ARL15: variants seen among roughly 807,000 people sequenced by gnomAD.
ARL15 encodes the protein ADP-ribosylation factor-like protein 15.
A neutral mutation model predicts 25.2 loss-of-function variants in ARL15; 19 were observed. That is an observed-to-expected ratio of 0.75 (90% confidence interval 0.53 to 1.10). ARL15 has a LOEUF of 1.10. Ranked by LOEUF, ARL15 falls within the 50% of genes least tolerant of loss-of-function variation. The pLI, the probability that ARL15 is intolerant of heterozygous loss-of-function variation, is 0.00. For synonymous variants in ARL15, 94 were observed against 86.8 expected (o/e 1.08, Z -0.46); for missense variants, 220 against 246.0 (o/e 0.89, Z 0.71).
chr5:54,131,582 T>C (rs998644592), intron 3 of ARL15, among the ~76,000 whole-genome samples: 12 of 152,210 alleles, frequency 7.9e-5, no homozygotes, highest in African/African-American at 2.9e-4. Context: ...TAACTTTCTA[T>C]TTTGTACCAT....
At chr5:54,087,447 C>G (rs988601553) in intron 4 of ARL15, among the ~76,000 whole-genome samples, 1 of 152,116 alleles carries the variant, frequency 6.6e-6, no homozygotes, top group Non-Finnish European at 1.5e-5. Flanking sequence ...CAATTTCTAG[C>G]CCTAGATCTC....
chr5:53,927,366 C>T (rs1217760023), intron 4 of ARL15, among the ~76,000 whole-genome samples: 1 of 152,180 alleles, frequency 6.6e-6, no homozygotes, highest in Non-Finnish European at 1.5e-5. Context: ...CAGAGACACA[C>T]ACACAGACAC....
intron 4 of ARL15, among the ~76,000 whole-genome samples, chr5:54,055,972 A>C (rs937848540): frequency 3.9e-5 from 6 of 152,168 alleles, no homozygotes; most frequent in African/African-American, 1.2e-4. Context: ...TTGACCAACT[A>C]TATCTACTCA....
At chr5:54,284,465 C>T (rs1208884076) in intron 1 of ARL15, among the ~76,000 whole-genome samples, 1 of 152,184 alleles carries the variant, frequency 6.6e-6, no homozygotes, top group East Asian at 1.9e-4. Flanking sequence ...CTAACCAGTA[C>T]AGAGCAACGT....
chr5:53,886,762 C>T, intron 4 of ARL15, 49 bp from the exon 5 acceptor site: 1 of 1,471,316 alleles, frequency 6.8e-7, no homozygotes, highest in East Asian at 2.5e-5. Context: ...ATATCAGAAA[C>T]TTTCTCATAT....
chr5:54,284,185 C>T (rs1189479584), intron 1 of ARL15, among the ~76,000 whole-genome samples: 1 of 152,164 alleles, frequency 6.6e-6, no homozygotes, highest in Non-Finnish European at 1.5e-5. Flanking sequence ...ATTACTGTAT[C>T]CTCAATATCC....
chr5:54,113,202 C>T lies in ARL15; in HGVS notation c.462G>A (p.Glu154=). The T allele has an allele frequency of 1.9e-6, 3 of 1,613,300 alleles. No homozygotes were observed. The highest frequency in any genetic ancestry group is 2.5e-6 in the Non-Finnish European group (3 of 1,179,780). Residue 154 remains glutamate (E), a splice_region_variant and synonymous_variant, in exon 4 of 5, where the codon GAG becomes GAA. Transcript: ENST00000504924. ...GAGTTGTCATGCTAATGAGACATAC[C>T]TCTTGTACTGAGCGAGCTGCTGGCT... The part of the protein sequence containing the change: ...QDKPAARSVQ[E]IKKYFELEPL...
intron 4 of ARL15, among the ~76,000 whole-genome samples, chr5:54,005,469 C>T (rs1748996894): frequency 6.6e-6 from 1 of 152,196 alleles, no homozygotes; most frequent in Admixed American, 6.5e-5. Context: ...TGTCTGTAAT[C>T]CCAGCACTTT....
At chr5:54,198,507 C>A (rs1340931307) in intron 1 of ARL15, among the ~76,000 whole-genome samples, 1 of 146,670 alleles carries the variant, frequency 6.8e-6, no homozygotes, top group African/African-American at 2.6e-5. Context: ...CAATAACAGA[C>A]AAACAGAGAG....
chr5:54,007,844 A>G (rs575115373), intron 4 of ARL15, among the ~76,000 whole-genome samples: 1 of 152,190 alleles, frequency 6.6e-6, no homozygotes, highest in African/African-American at 2.4e-5. Context: ...AATCAAAAGC[A>G]GCTCCCAATG....
rs184592639 is a variant in ARL15 at position 53,964,550 on chromosome 5, C to T, written c.463-77837G>A. Among the ~76,000 whole-genome samples the T allele has an allele frequency of 1.6e-4, 24 of 152,120 alleles. No homozygotes were observed. The East Asian group carries it at 3.5e-3, about 22-fold the overall frequency. Reference sequence around the variant, plus strand: ...AATTTTGTTTTGTATTTAGTAGAGACGGGGCTTCACCGTGTTAGCCAGGAT... The same window carrying T: ...AATTTTGTTTTGTATTTAGTAGAGATGGGGCTTCACCGTGTTAGCCAGGAT... On this transcript the variant is annotated intron_variant, in intron 4 of 4. Coordinates refer to ENST00000504924, the MANE Select transcript of ARL15 (RefSeq NM_019087.3).
chr5:54,090,273 A>G (rs1318240336), intron 4 of ARL15, among the ~76,000 whole-genome samples: 2 of 152,218 alleles, frequency 1.3e-5, no homozygotes, highest in African/African-American at 4.8e-5. Context: ...AGAGATGAGT[A>G]TGGATGAATC....
chr5:54,071,199 G>C (rs1480816572), intron 4 of ARL15, among the ~76,000 whole-genome samples: 1 of 151,716 alleles, frequency 6.6e-6, no homozygotes, highest in African/African-American at 2.4e-5. Context: ...CATTTCTTTT[G>C]TTTATAAATT....
chr5:54,149,328 C>T (rs1313392523), intron 3 of ARL15, among the ~76,000 whole-genome samples: 2 of 151,792 alleles, frequency 1.3e-5, no homozygotes, highest in African/African-American at 4.8e-5. Context: ...AGGGCCTTTT[C>T]GAGTTGCTTC....
chr5:54,136,431 TATC>T (rs893682643), intron 3 of ARL15, among the ~76,000 whole-genome samples: 10 of 152,170 alleles, frequency 6.6e-5, no homozygotes. Flanking sequence ...AAATGTAAAA[TATC>T]ATCTGTTTTT....
At chr5:54,242,537 A>C (rs552706476) in intron 1 of ARL15, among the ~76,000 whole-genome samples, 1 of 152,310 alleles carries the variant, frequency 6.6e-6, no homozygotes, top group South Asian at 2.1e-4. Flanking sequence ...AATCAGAGGA[A>C]ATGAGACTCT....
At chr5:54,208,117 T>A (rs1755923863) in intron 1 of ARL15, among the ~76,000 whole-genome samples, 2 of 152,272 alleles carry the variant, frequency 1.3e-5, no homozygotes, top group East Asian at 1.9e-4. Flanking sequence ...AATATCTAAC[T>A]ACCCCAAGAG....
intron 3 of ARL15, among the ~76,000 whole-genome samples, chr5:54,128,364 T>C (rs933249166): frequency 2.6e-5 from 4 of 152,212 alleles, no homozygotes; most frequent in South Asian, 4.1e-4. Flanking sequence ...TCTGCACTTA[T>C]GTTCTGAGAC....
At chr5:54,236,538 T>C (rs374125213) in intron 1 of ARL15, among the ~76,000 whole-genome samples, 1 of 152,150 alleles carries the variant, frequency 6.6e-6, no homozygotes, top group African/African-American at 2.4e-5. Context: ...AAACAATATG[T>C]ATGCTTCGTC....
Sources: gnomAD v4.1 joint callset for allele counts (sites outside exome capture counted in the v4.1 genomes callset) on GRCh38, gnomAD v4.1.1 for gene constraint, MANE v1.5 for transcripts, NCBI Gene and HGNC (gene_info 2026-07-23, HGNC 2026-07-21) for gene names.